Variants in PSPH observed in about 807,000 individuals in gnomAD.
PSPH encodes L-3-phosphoserine phosphatase.
PSPH carries 16 observed loss-of-function variants against 23.4 expected under a neutral mutation model. The ratio of observed to expected loss-of-function variants is 0.68; its 90% CI spans 0.46 to 1.04. The LOEUF (loss-of-function observed/expected upper bound fraction) is 1.04. Ranked by LOEUF, PSPH falls within the 50% of genes least tolerant of loss-of-function variation. PSPH has a pLI of 0.00. For missense variants in PSPH, 223 were observed against 273.7 expected (o/e 0.81, Z 1.31); for synonymous variants, 68 against 99.7 (o/e 0.68, Z 1.89).
intron 1 of PSPH, among the ~76,000 whole-genome samples, chr7:56,044,175 C>G (rs1584508183): frequency 1.3e-5 from 2 of 152,220 alleles, no homozygotes; most frequent in Admixed American, 1.3e-4. Flanking sequence ...CTCCTGACCT[C>G]AGGTGGTCTG....
chr7:56,018,534 C>T (rs1375116834), intron 5 of PSPH, among the ~76,000 whole-genome samples: 4 of 152,072 alleles, frequency 2.6e-5, no homozygotes, highest in Non-Finnish European at 5.9e-5. Flanking sequence ...GACAAGACCA[C>T]GTGTAAGTGC....
intron 3 of PSPH, among the ~76,000 whole-genome samples, chr7:56,028,828 A>C (rs943661072): frequency 4.0e-5 from 6 of 151,504 alleles, no homozygotes; most frequent in African/African-American, 1.5e-4. Context: ...TTTTATTTTT[A>C]CTTTTTTTGA....
chr7:56,013,856 G>C lies in PSPH; in HGVS notation c.570+1167C>G, dbSNP rs140362056. On this transcript the variant is annotated intron_variant, in intron 7 of 7. Coordinates refer to ENST00000275605, the MANE Select transcript of PSPH (RefSeq NM_004577.4). ...AGAACACAACATTTGGCCAGGCATGGTGGTTCATACCTGTGATACCAGCAC... is the reference window on the plus strand; with the variant it reads ...AGAACACAACATTTGGCCAGGCATGCTGGTTCATACCTGTGATACCAGCAC... 3.2e-3 allele frequency among the ~76,000 whole-genome samples: 480 copies of C among 152,300 alleles called. 9 individuals carry two copies. Among genetic ancestry groups the C allele is most frequent in the East Asian group, 0.012 (61 of 5,188 alleles).
chr7:56,036,305 G>A (rs1195177880), intron 1 of PSPH, among the ~76,000 whole-genome samples: 1 of 152,008 alleles, frequency 6.6e-6, no homozygotes, highest in Non-Finnish European at 1.5e-5. Flanking sequence ...GTATCTAAGT[G>A]GTAACAGAAT....
At chr7:56,043,680 A>T (rs1440202031) in intron 1 of PSPH, among the ~76,000 whole-genome samples, 3 of 146,540 alleles carry the variant, frequency 2.0e-5, no homozygotes, top group Non-Finnish European at 4.5e-5. Flanking sequence ...TCTCTACAAT[A>T]AAACAAAAAA....
At chr7:56,019,164 G>A (rs1248004489) in intron 5 of PSPH, among the ~76,000 whole-genome samples, 4 of 151,938 alleles carry the variant, frequency 2.6e-5, no homozygotes, top group Non-Finnish European at 4.4e-5. Context: ...ATAATAGGCC[G>A]GGTGCAGTGG....
intron 1 of PSPH, among the ~76,000 whole-genome samples, chr7:56,049,069 G>A (rs562206074): frequency 1.6e-4 from 25 of 151,702 alleles, no homozygotes; most frequent in African/African-American, 5.8e-4. Flanking sequence ...ACACGCACCC[G>A]CCACCATGCC....
chr7:56,037,604 TG>T (rs1340315622), intron 1 of PSPH, among the ~76,000 whole-genome samples: 1 of 152,096 alleles, frequency 6.6e-6, no homozygotes, highest in Non-Finnish European at 1.5e-5. Flanking sequence ...TAGTAGAGTC[TG>T]GGTCTCATTG....
chr7:56,017,420 A>G, intron 5 of PSPH, 41 bp from the exon 6 acceptor site: 1 of 1,544,272 alleles, frequency 6.5e-7, no homozygotes, highest in Non-Finnish European at 8.7e-7. Context: ...TGAGTAATAC[A>G]AAAGAAAAAA....
intron 1 of PSPH, among the ~76,000 whole-genome samples, chr7:56,041,688 C>T (rs1033232015): frequency 2.0e-5 from 3 of 151,802 alleles, no homozygotes; most frequent in African/African-American, 7.3e-5. Flanking sequence ...CTTTGGGAGG[C>T]CGAGGTGGGC....
chr7:56,023,268 T>TA (rs1220729263), intron 3 of PSPH, among the ~76,000 whole-genome samples: 3 of 151,848 alleles, frequency 2.0e-5, no homozygotes, highest in African/African-American at 7.3e-5. Context: ...AAACAAATTT[T>TA]TTTTTTTTTA....
chr7:56,028,421 G>A (rs1029455741), intron 3 of PSPH, among the ~76,000 whole-genome samples: 1 of 151,960 alleles, frequency 6.6e-6, no homozygotes, highest in African/African-American at 2.4e-5. Flanking sequence ...TTGTAGAGAT[G>A]AGGTCTCACT....
In PSPH at chr7:56,023,895, T is replaced by C. The variant is rs558905488; in HGVS notation, c.-19-2664A>G. On this transcript the variant is annotated intron_variant, in intron 3 of 7. Coordinates refer to ENST00000275605, the MANE Select transcript of PSPH (RefSeq NM_004577.4). ...GTTTGGTATGGCTCACAAGTAAGAATGATTTTTACATTTATTTTATTTTAC... is the reference window on the plus strand; with the variant it reads ...GTTTGGTATGGCTCACAAGTAAGAACGATTTTTACATTTATTTTATTTTAC... 2.0e-5 allele frequency among the ~76,000 whole-genome samples: 3 copies of C among 152,144 alleles called. No homozygotes were observed. In the South Asian group the frequency reaches 6.2e-4, roughly 32 times the overall value.
chr7:56,047,288 A>C (rs1323419931), intron 1 of PSPH, among the ~76,000 whole-genome samples: 1 of 151,740 alleles, frequency 6.6e-6, no homozygotes, highest in Non-Finnish European at 1.5e-5. Context: ...GCTACTCAGG[A>C]GGCTGAGATA....
intron 3 of PSPH, among the ~76,000 whole-genome samples, chr7:56,028,368 G>A (rs527367407): frequency 2.0e-5 from 3 of 152,018 alleles, no homozygotes; most frequent in Non-Finnish European, 2.9e-5. Flanking sequence ...GAGACCACAG[G>A]CACGCACCAC....
intron 6 of PSPH, among the ~76,000 whole-genome samples, chr7:56,016,312 G>A (rs1052816444): frequency 1.3e-5 from 2 of 148,624 alleles, no homozygotes; most frequent in African/African-American, 2.5e-5. Flanking sequence ...GCTGAGGCAG[G>A]AGAATCGCTT....
intron 1 of PSPH, among the ~76,000 whole-genome samples, chr7:56,040,455 G>A (rs1292433143): frequency 2.0e-5 from 3 of 152,072 alleles, no homozygotes; most frequent in African/African-American, 7.2e-5. Flanking sequence ...GTTCCGTGGT[G>A]TAATCTCAAC....
chr7:56,036,904 T>C lies in PSPH; in HGVS notation c.-291-2798A>G, dbSNP rs553990269. Among the ~76,000 whole-genome samples, 7 of 152,190 alleles carry C rather than the reference T, an allele frequency of 4.6e-5. No individual in the cohort carries two copies. In the South Asian group the frequency reaches 1.2e-3, roughly 27 times the overall value. ...ATATGCTTCATCAGGCCGGGCACAG[T>C]GGCTCATGCCTGTAATCCCAGCACT... On this transcript the variant is annotated intron_variant, in intron 1 of 7. Transcript: ENST00000275605.
intron 3 of PSPH, among the ~76,000 whole-genome samples, chr7:56,028,862 A>T (rs1020984395): frequency 6.6e-6 from 1 of 152,072 alleles, no homozygotes; most frequent in African/African-American, 2.4e-5. Flanking sequence ...TCTGTTGCCC[A>T]GGATGGAGTG....
Sources: allele counts gnomAD v4.1 joint callset (sites outside exome capture counted in the v4.1 genomes callset), GRCh38; gene constraint gnomAD v4.1.1; transcripts MANE v1.5; gene names NCBI Gene and HGNC (gene_info 2026-07-23, HGNC 2026-07-21).